Variants in KIF24 observed in about 807,000 individuals in gnomAD.
KIF24 encodes the protein kinesin-like protein KIF24.
KIF24 carries 81 observed loss-of-function variants against 118.9 expected under a neutral mutation model. The observed-to-expected ratio is 0.68, with a 90% CI of 0.57 to 0.82. The LOEUF is 0.82. KIF24 is among the 40% of genes least tolerant of loss of function. KIF24 has a pLI of 0.00. For missense variants in KIF24, 1,560 were observed against 1,661.6 expected (o/e 0.94, Z 1.06); for synonymous variants, 599 against 610.0 (o/e 0.98, Z 0.27).
chr9:34,264,935 T>C (rs926645797), intron 8 of KIF24, among the ~76,000 whole-genome samples: 4 of 152,112 alleles, frequency 2.6e-5, no homozygotes, highest in Non-Finnish European at 5.9e-5. Flanking sequence ...TGTACAGTCA[T>C]GCAGTGATCT....
At chr9:34,285,930 T>TAAA (rs11283995) in intron 6 of KIF24, among the ~76,000 whole-genome samples, 4,695 of 120,740 alleles carry the variant, frequency 0.039, 135 homozygotes, top group Middle Eastern at 0.086. Context: ...CCCTGTTGCT[T>TAAA]AAAAAAAAAA....
chr9:34,305,886 G>A (rs1300698306), intron 3 of KIF24, among the ~76,000 whole-genome samples: 1 of 152,154 alleles, frequency 6.6e-6, no homozygotes, highest in African/African-American at 2.4e-5. Flanking sequence ...GATTATAGGC[G>A]TGAGCCACCA....
At chr9:34,331,957 C>T (rs1413637740), upstream of KIF24, among the ~76,000 whole-genome samples, 1 of 152,210 alleles carries the variant, frequency 6.6e-6, no homozygotes, top group East Asian at 1.9e-4. Context: ...TGAAATATCT[C>T]TCAGATTCAT....
chr9:34,291,319 G>A (rs1364032063), intron 4 of KIF24, among the ~76,000 whole-genome samples: 1 of 152,172 alleles, frequency 6.6e-6, no homozygotes, highest in Non-Finnish European at 1.5e-5. Flanking sequence ...AGTAAAGATG[G>A]CAGCAGGCAC....
intron 7 of KIF24, among the ~76,000 whole-genome samples, chr9:34,269,621 G>A (rs1259777596): frequency 3.3e-5 from 5 of 151,900 alleles, no homozygotes; most frequent in African/African-American, 7.3e-5. Context: ...GGATTTCACC[G>A]TGTTAGCCAG....
intron 5 of KIF24, among the ~76,000 whole-genome samples, chr9:34,288,652 T>C (rs1017825394): frequency 5.9e-5 from 9 of 151,982 alleles, no homozygotes; most frequent in Non-Finnish European, 1.2e-4. Flanking sequence ...CCACAGGCCA[T>C]GACACTTGTA....
intron 7 of KIF24, among the ~76,000 whole-genome samples, chr9:34,270,420 G>A (rs1835459015): frequency 6.6e-6 from 1 of 151,350 alleles, no homozygotes; most frequent in South Asian, 2.1e-4. Flanking sequence ...GGAGGCTGAG[G>A]CAGGAAAATG....
intron 7 of KIF24, among the ~76,000 whole-genome samples, chr9:34,270,016 G>A (rs1267002691): frequency 6.6e-6 from 1 of 151,666 alleles, no homozygotes; most frequent in Admixed American, 6.6e-5. Context: ...GAGGTGAAGA[G>A]ATCAAGACCA....
intron 4 of KIF24, among the ~76,000 whole-genome samples, chr9:34,293,227 C>T (rs368806514): frequency 1.3e-5 from 2 of 152,136 alleles, no homozygotes; most frequent in South Asian, 2.1e-4. Context: ...CACCTGCAAT[C>T]CCAGCACTTT....
intron 4 of KIF24, among the ~76,000 whole-genome samples, chr9:34,296,695 C>G (rs1029195385): frequency 6.6e-6 from 1 of 151,454 alleles, no homozygotes; most frequent in Non-Finnish European, 1.5e-5. Flanking sequence ...CTTCTGAGGA[C>G]TTTGATGGGA....
chr9:34,306,393 G>T lies in KIF24; in HGVS notation c.672C>A (p.Ile224=), dbSNP rs1836919964. Residue 224 remains isoleucine (I), a synonymous_variant, in exon 3 of 13, where the codon ATC becomes ATA. Transcript: ENST00000402558. The part of the protein sequence containing the change: ...KQNPWTEMEK[I]RVCVRKRPLG... The stretch of plus-strand genomic sequence containing the variant: ...GGGGGCGTTTTCGAACACAAACTCT[G>T]ATTTTCTCCATCTCAGTCCAAGGAT... 1 of 1,612,310 alleles carries T rather than the reference G, an allele frequency of 6.2e-7. No homozygotes were observed. The highest frequency in any genetic ancestry group is 8.5e-7 in the Non-Finnish European group (1 of 1,179,200).
chr9:34,297,618 C>A (rs1014873959), intron 3 of KIF24, among the ~76,000 whole-genome samples: 1 of 151,950 alleles, frequency 6.6e-6, no homozygotes, highest in African/African-American at 2.4e-5. Context: ...AAAATTTAGC[C>A]GGGCATGGTG....
In KIF24 at chr9:34,268,571, G is replaced by A. The variant is rs532926916; in HGVS notation, c.1443+686C>T. Among the ~76,000 whole-genome samples the A allele has an allele frequency of 2.1e-5, 3 of 146,084 alleles. No homozygotes were observed. In the East Asian group the frequency reaches 6.1e-4, roughly 30 times the overall value. On this transcript the variant is annotated intron_variant, in intron 8 of 12. Transcript: ENST00000402558. Reference sequence around the variant, plus strand: ...CACCCAGGCTGGGGTGCAATGGCACGATCTCGGCTCACTACAACCTCCACC... The same window carrying A: ...CACCCAGGCTGGGGTGCAATGGCACAATCTCGGCTCACTACAACCTCCACC...
chr9:34,290,830 C>A (rs189992602), intron 4 of KIF24, among the ~76,000 whole-genome samples: 117 of 152,174 alleles, frequency 7.7e-4, no homozygotes, highest in African/African-American at 2.7e-3. Context: ...GAACTCCTGA[C>A]CTCAAATGAT....
chr9:34,329,819 C>CT (rs1837834724), upstream of KIF24, among the ~76,000 whole-genome samples: 4 of 151,618 alleles, frequency 2.6e-5, no homozygotes. Flanking sequence ...TTCCCTGACT[C>CT]TGAGCCTTGC....
At position 34,318,669 on chromosome 9, in the gene KIF24, C is replaced by T. The variant is rs938793522; in HGVS notation, c.-25-7298G>A. On this transcript the variant is annotated intron_variant, in intron 1 of 12. Transcript: ENST00000402558. The surrounding 1 kb of genome is among the most constrained non-coding windows in gnomAD (Gnocchi z 4.9). ...GTGTCGCTGGGCGGCAAGGCGACCA[C>T]GGCGTCGGAGGCCAAGGCAGTGCTG... The T allele has an allele frequency of 4.0e-5, 62 of 1,540,544 alleles. No individual in the cohort carries two copies. The African/African-American group carries it at 4.4e-4, about 11-fold the overall frequency.
At chr9:34,309,743 T>C (rs990885741) in intron 2 of KIF24, among the ~76,000 whole-genome samples, 5 of 152,048 alleles carry the variant, frequency 3.3e-5, no homozygotes, top group Non-Finnish European at 4.4e-5. Context: ...CTTATGTATT[T>C]CAAATTATTA....
chr9:34,312,721 T>G (rs948421477), intron 1 of KIF24, among the ~76,000 whole-genome samples: 3 of 152,108 alleles, frequency 2.0e-5, no homozygotes, highest in Non-Finnish European at 2.9e-5. Context: ...TTTTTTGAGA[T>G]GGAGTTTCAC....
At chr9:34,271,066 G>A (rs1485520922) in intron 7 of KIF24, among the ~76,000 whole-genome samples, 1 of 152,040 alleles carries the variant, frequency 6.6e-6, no homozygotes, top group East Asian at 1.9e-4. Context: ...CTGCACTCCA[G>A]CCTGGGTGAC....
Sources: gnomAD v4.1 joint callset for allele counts (sites outside exome capture counted in the v4.1 genomes callset) on GRCh38, gnomAD v4.1.1 for gene constraint, Gnocchi (gnomAD v3.1) non-coding constraint, MANE v1.5 for transcripts, NCBI Gene and HGNC (gene_info 2026-07-23, HGNC 2026-07-21) for gene names.